Variants in TSHR observed in about 807,000 individuals in gnomAD.
TSHR encodes the protein thyrotropin receptor.
TSHR carries 51 observed loss-of-function variants against 64.1 expected under a neutral mutation model. The observed-to-expected ratio is 0.80, with a 90% CI of 0.64 to 1.01. TSHR has a LOEUF of 1.01. Among genes scored for constraint, TSHR ranks in the 50% least tolerant of loss-of-function variants. The pLI, the probability that TSHR is intolerant of heterozygous loss-of-function variation, is 0.00. For synonymous variants in TSHR, 361 were observed against 361.9 expected, an observed-to-expected ratio of 1.00 and a Z score of 0.03; for missense variants, 877 against 942.8, an observed-to-expected ratio of 0.93 and a Z score of 0.91.
At chr14:81,058,390 T>G (rs2139884616) in intron 1 of TSHR, among the ~76,000 whole-genome samples, 1 of 152,366 alleles carries the variant, frequency 6.6e-6, no homozygotes, top group Non-Finnish European at 1.5e-5. Flanking sequence ...TTCTCTCACA[T>G]AATTTCTATA....
chr14:81,112,366 C>T (rs541991954), intron 8 of TSHR, among the ~76,000 whole-genome samples: 14 of 152,302 alleles, frequency 9.2e-5, no homozygotes, highest in African/African-American at 3.4e-4. Flanking sequence ...CCCCATTTCT[C>T]TCCTTAGCTC....
chr14:80,995,480 T>C (rs1254824917), intron 1 of TSHR: 1 of 152,156 alleles, frequency 6.6e-6, no homozygotes, highest in African/African-American at 2.4e-5. Context: ...ATATACACTA[T>C]GGAATACTAT....
intron 1 of TSHR, among the ~76,000 whole-genome samples, chr14:81,044,733 A>T: frequency 6.6e-6 from 1 of 151,984 alleles, no homozygotes; most frequent in East Asian, 1.9e-4. Context: ...GGCTATTACT[A>T]AAAAGTCAAA....
chr14:81,081,926 G>A (rs1887930325), intron 3 of TSHR, among the ~76,000 whole-genome samples: 2 of 151,854 alleles, frequency 1.3e-5, no homozygotes, highest in African/African-American at 4.8e-5. Context: ...CAAAATCAAG[G>A]TGACTGCCTT....
intron 1 of TSHR, among the ~76,000 whole-genome samples, chr14:80,963,616 C>T (rs1258425498): frequency 6.6e-6 from 1 of 152,230 alleles, no homozygotes; most frequent in Non-Finnish European, 1.5e-5. Flanking sequence ...AGGATATGAT[C>T]GAATGGTAAT....
intron 1 of TSHR, chr14:80,983,423 T>A (rs1257129678): frequency 8.1e-7 from 1 of 1,241,046 alleles, no homozygotes; most frequent in East Asian, 2.4e-5. Context: ...AAAATCCAAC[T>A]GCAGCCAGAG....
At chr14:81,069,536 C>A (rs539292592) in intron 3 of TSHR, among the ~76,000 whole-genome samples, 1 of 152,242 alleles carries the variant, frequency 6.6e-6, no homozygotes, top group African/African-American at 2.4e-5. Context: ...GTTATTTTCC[C>A]TTGAGGTATT....
intron 1 of TSHR, among the ~76,000 whole-genome samples, chr14:80,967,133 A>G (rs920191823): frequency 6.6e-6 from 1 of 151,480 alleles, no homozygotes; most frequent in Non-Finnish European, 1.5e-5. Flanking sequence ...CTAAAAAAGG[A>G]ATCCAGGCTA....
intron 1 of TSHR, among the ~76,000 whole-genome samples, chr14:81,037,284 T>C (rs1385681343): frequency 1.3e-5 from 2 of 149,420 alleles, no homozygotes; most frequent in South Asian, 2.1e-4. Context: ...GTAAGCCCCA[T>C]GGTAACCACA....
At position 81,061,688 on chromosome 14, in the gene TSHR, T is replaced by C. The variant is rs555423506; in HGVS notation, c.171-460T>C. Reference sequence around the variant, plus strand: ...GGAGCAGAAAAAAATAACTATTGGGTACTAGGCTTAGTACCTGAGTGATGA... The same window carrying C: ...GGAGCAGAAAAAAATAACTATTGGGCACTAGGCTTAGTACCTGAGTGATGA... On this transcript the variant is annotated intron_variant, in intron 1 of 9. Coordinates refer to ENST00000298171, the MANE Select transcript of TSHR (RefSeq NM_000369.5). 3.4e-4 allele frequency among the ~76,000 whole-genome samples: 51 copies of C among 152,024 alleles called. No individual in the cohort carries two copies. The South Asian group carries it at 9.8e-3, about 29-fold the overall frequency.
intron 5 of TSHR, among the ~76,000 whole-genome samples, chr14:81,091,466 C>A (rs1020930322): frequency 6.6e-6 from 1 of 152,078 alleles, no homozygotes; most frequent in African/African-American, 2.4e-5. Context: ...TTAAAAGGAG[C>A]AGAAAATAGC....
chr14:81,019,457 C>CTTTTTTTTTTT (rs1166193901), intron 1 of TSHR, among the ~76,000 whole-genome samples: 2 of 118,388 alleles, frequency 1.7e-5, no homozygotes, highest in Non-Finnish European at 3.6e-5. Flanking sequence ...ATCATCAATT[C>CTTTTTTTTTTT]TTTTTTTTTT....
At position 80,968,351 on chromosome 14, in the gene TSHR, C is replaced by T. The variant is rs192996619; in HGVS notation, c.170+12501C>T. On this transcript the variant is annotated intron_variant, in intron 1 of 9. Transcript: ENST00000298171. The stretch of plus-strand genomic sequence containing the variant: ...CTCCCATAATAAAATATAGGGCCTC[C>T]GATTTTGTAAGAATGAGATGTCCTT... 2.7e-3 allele frequency among the ~76,000 whole-genome samples: 404 copies of T among 151,850 alleles called. 3 individuals carry two copies. The highest frequency in any genetic ancestry group is 9.2e-3 in the African/African-American group (382 of 41,400).
At chr14:80,999,298 C>A (rs1889185786) in intron 1 of TSHR, among the ~76,000 whole-genome samples, 1 of 152,146 alleles carries the variant, frequency 6.6e-6, no homozygotes, top group Non-Finnish European at 1.5e-5. Flanking sequence ...TCACCAGAGC[C>A]ATCATGGACC....
intron 1 of TSHR, chr14:80,982,480 G>A: frequency 9.3e-7 from 1 of 1,071,964 alleles, no homozygotes; most frequent in Non-Finnish European, 1.3e-6. Flanking sequence ...TAGGTCTGGG[G>A]CTGAGGAAGA....
At chr14:80,975,548 T>C (rs533999892) in intron 1 of TSHR, among the ~76,000 whole-genome samples, 23 of 152,306 alleles carry the variant, frequency 1.5e-4, no homozygotes, top group African/African-American at 5.5e-4. Flanking sequence ...CACAGCTAAA[T>C]GTTCATAAGG....
At chr14:81,005,156 G>A (rs892232730) in intron 1 of TSHR, among the ~76,000 whole-genome samples, 2 of 151,846 alleles carry the variant, frequency 1.3e-5, no homozygotes, top group Non-Finnish European at 2.9e-5. Context: ...CTATGCACTG[G>A]TCCTGTTTCT....
At chr14:81,079,089 C>T (rs967237273) in intron 3 of TSHR, among the ~76,000 whole-genome samples, 18 of 152,164 alleles carry the variant, frequency 1.2e-4, no homozygotes, top group African/African-American at 4.3e-4. Context: ...ATGGTAGGTT[C>T]TCTGTGAGTT....
At position 81,144,893 on chromosome 14, in the gene TSHR, TGAA is replaced by T. The variant is rs1411728475; in HGVS notation, c.*542_*544del. ...TACAAGAAACAGCTATTATGAGACA[TGAA>T]GGAGGGTAAGAATTAGCTTTAAGTT... On this transcript the variant is annotated 3_prime_UTR_variant, in exon 10 of 10. Coordinates refer to ENST00000298171, the MANE Select transcript of TSHR (RefSeq NM_000369.5). 4.2e-6 allele frequency: 1 copy of T among 235,478 alleles called. No individual in the cohort carries two copies. The highest frequency in any genetic ancestry group is 2.2e-5 in the African/African-American group (1 of 45,334). The allele number at this position is 235,478 out of a possible 1,614,324, so 14.6% of individuals were successfully genotyped here.
Sources: gnomAD v4.1 joint callset for allele counts (sites outside exome capture counted in the v4.1 genomes callset) on GRCh38, gnomAD v4.1.1 for gene constraint, MANE v1.5 for transcripts, NCBI Gene and HGNC (gene_info 2026-07-23, HGNC 2026-07-21) for gene names.